FBXW7: variants seen among roughly 807,000 people sequenced by gnomAD.
FBXW7 encodes F-box and WD repeat domain containing 7.
Under a neutral mutation model 86.3 loss-of-function variants are expected in FBXW7, and 11 were observed. The observed-to-expected ratio is 0.13, with a 90% CI of 0.08 to 0.21. The LOEUF (loss-of-function observed/expected upper bound fraction) is 0.21, where lower values mean the gene tolerates loss of function less well. Ranked by LOEUF, FBXW7 falls within the 10% of genes least tolerant of loss-of-function variation. FBXW7 has a pLI of 1.00. For synonymous variants in FBXW7, 313 were observed against 297.9 expected (o/e 1.05, Z -0.52); for missense variants, 488 against 847.4 (o/e 0.58, Z 5.27).
chr4:152,488,894 T>C (rs2149681422), intron 2 of FBXW7, among the ~76,000 whole-genome samples: 1 of 152,174 alleles, frequency 6.6e-6, no homozygotes, highest in African/African-American at 2.4e-5. Flanking sequence ...CAAAGATTAA[T>C]ACACAATTCC....
In FBXW7 at chr4:152,390,488, C is replaced by T. The variant is rs531451410; in HGVS notation, c.501+20815G>A. ...TTAGTTCGTGATTATTATAGTTACA[C>T]CTTTAAGTCAACTATGACAAAAATG... On this transcript the variant is annotated intron_variant, in intron 4 of 13. Coordinates refer to ENST00000281708, the MANE Select transcript of FBXW7 (RefSeq NM_001349798.2). Among the ~76,000 whole-genome samples the T allele has an allele frequency of 2.2e-4, 34 of 152,096 alleles. 1 individual carries two copies. In the East Asian group the frequency reaches 5.4e-3, roughly 24 times the overall value.
intron 2 of FBXW7, among the ~76,000 whole-genome samples, chr4:152,493,478 CA>C (rs1266587749): frequency 1.3e-5 from 2 of 152,076 alleles, no homozygotes; most frequent in Non-Finnish European, 2.9e-5. Flanking sequence ...GATAGTTTTT[CA>C]AAACTGTTTA....
chr4:152,501,537 T>C (rs1430737564), intron 2 of FBXW7, among the ~76,000 whole-genome samples: 3 of 152,200 alleles, frequency 2.0e-5, no homozygotes, highest in Non-Finnish European at 2.9e-5. Context: ...TGGCCACTAC[T>C]GGTTTTAAAA....
At chr4:152,516,019 G>A (rs1373184408) in intron 2 of FBXW7, among the ~76,000 whole-genome samples, 1 of 152,120 alleles carries the variant, frequency 6.6e-6, no homozygotes, top group Non-Finnish European at 1.5e-5. Context: ...ACAAGAACAA[G>A]GAATTGAACT....
intron 4 of FBXW7, among the ~76,000 whole-genome samples, chr4:152,380,126 G>A (rs1446367436): frequency 6.6e-6 from 1 of 152,072 alleles, no homozygotes; most frequent in Non-Finnish European, 1.5e-5. Flanking sequence ...AAATACAGAA[G>A]AATGTTTGCT....
At chr4:152,362,839 A>AC (rs1553961870) in intron 4 of FBXW7, among the ~76,000 whole-genome samples, 3 of 151,470 alleles carry the variant, frequency 2.0e-5, no homozygotes, top group Non-Finnish European at 4.4e-5. Flanking sequence ...AAAAAAAAAA[A>AC]AAAAAAAAAA....
chr4:152,353,101 A>G, intron 4 of FBXW7: 1 of 639,184 alleles, frequency 1.6e-6, no homozygotes, highest in Non-Finnish European at 2.1e-6. Context: ...AATAGCAAGG[A>G]ACATTTCCAC....
At chr4:152,441,602 G>A (rs543012522) in intron 2 of FBXW7, among the ~76,000 whole-genome samples, 56 of 152,082 alleles carry the variant, frequency 3.7e-4, no homozygotes, top group Non-Finnish European at 6.6e-4. Flanking sequence ...GGAAGTAAAG[G>A]AGGAAGCAAC....
rs1048633891 is a variant in FBXW7, at chr4:152,535,848, G to A, written c.-934C>T. The A allele has an allele frequency of 7.7e-6, 3 of 388,742 alleles. No homozygotes were observed. The highest frequency in any genetic ancestry group is 1.2e-4 in the South Asian group (1 of 8,514). 24.1% of individuals were successfully genotyped at this position (388,742 alleles called of 1,614,324 possible). A position where few individuals can be genotyped will look rare whatever the true frequency, so the allele number is the denominator to read the frequency against. On this transcript the variant is annotated 5_prime_UTR_variant, in exon 1 of 14. Transcript: ENST00000281708. ...GGGCTCCGGCTCTGGCTCCGGCTCC[G>A]GCGTGTGCAGCCGCCGCTGCCGGCC...
chr4:152,368,683 A>G (rs1560814165), intron 4 of FBXW7, among the ~76,000 whole-genome samples: 1 of 152,110 alleles, frequency 6.6e-6, no homozygotes, highest in Non-Finnish European at 1.5e-5. Flanking sequence ...TGGTGTCAGA[A>G]CTTAAAATTA....
intron 2 of FBXW7, among the ~76,000 whole-genome samples, chr4:152,459,957 A>G (rs1156232131): frequency 1.3e-5 from 2 of 152,206 alleles, no homozygotes; most frequent in African/African-American, 4.8e-5. Flanking sequence ...AAAGACAGAA[A>G]GTAGATTAGA....
intron 2 of FBXW7, among the ~76,000 whole-genome samples, chr4:152,438,179 A>G: frequency 6.6e-6 from 1 of 152,190 alleles, no homozygotes; most frequent in East Asian, 1.9e-4. Context: ...CTCAATAAAT[A>G]AATAAATAGT....
chr4:152,397,925 C>T (rs1013910057), intron 4 of FBXW7, among the ~76,000 whole-genome samples: 7 of 151,782 alleles, frequency 4.6e-5, no homozygotes, highest in African/African-American at 1.7e-4. Context: ...TCTTTTTACA[C>T]GTATATGTTC....
chr4:152,500,227 T>C (rs1025380509), intron 2 of FBXW7, among the ~76,000 whole-genome samples: 10 of 152,182 alleles, frequency 6.6e-5, no homozygotes, highest in African/African-American at 2.4e-4. Context: ...TCAGTTCTAT[T>C]TCCTTTAATC....
intron 2 of FBXW7, among the ~76,000 whole-genome samples, chr4:152,510,458 T>C (rs1432081597): frequency 6.6e-6 from 1 of 152,288 alleles, no homozygotes; most frequent in Middle Eastern, 3.4e-3. Context: ...TTATCAACCT[T>C]TTTCATGTTT....
chr4:152,392,119 G>A (rs1421811082), intron 4 of FBXW7, among the ~76,000 whole-genome samples: 4 of 152,086 alleles, frequency 2.6e-5, no homozygotes, highest in African/African-American at 9.7e-5. Context: ...AACTCTTATA[G>A]CAAATTGTAT....
chr4:152,463,823 A>G (rs1579273898), intron 2 of FBXW7, among the ~76,000 whole-genome samples: 1 of 152,252 alleles, frequency 6.6e-6, no homozygotes, highest in Non-Finnish European at 1.5e-5. Flanking sequence ...AATGAAAAAG[A>G]GCTAAGAGCA....
At chr4:152,476,413 C>T (rs1744408275) in intron 2 of FBXW7, among the ~76,000 whole-genome samples, 1 of 152,084 alleles carries the variant, frequency 6.6e-6, no homozygotes, top group Non-Finnish European at 1.5e-5. Context: ...CTGTGATTTT[C>T]AACTAGGCAA....
At chr4:152,384,431 A>C (rs578168678) in intron 4 of FBXW7, among the ~76,000 whole-genome samples, 1 of 152,280 alleles carries the variant, frequency 6.6e-6, no homozygotes, top group East Asian at 1.9e-4. Flanking sequence ...CAGTCAAAAA[A>C]GGATAGTGTA....
Sources: gnomAD v4.1 joint callset for allele counts (sites outside exome capture counted in the v4.1 genomes callset) on GRCh38, gnomAD v4.1.1 for gene constraint, MANE v1.5 for transcripts, NCBI Gene and HGNC (gene_info 2026-07-23, HGNC 2026-07-21) for gene names.